Variants in CNTNAP5 observed in about 807,000 individuals in gnomAD.
The protein encoded by CNTNAP5 is contactin associated protein family member 5, also known as contactin-associated protein-like 5.
CNTNAP5 carries 72 observed loss-of-function variants against 150.2 expected under a neutral mutation model. The observed-to-expected ratio is 0.48, with a 90% confidence interval of 0.40 to 0.58. The LOEUF is 0.58. Among genes scored for constraint, CNTNAP5 ranks in the 20% least tolerant of loss-of-function variants. The pLI, the probability that CNTNAP5 is intolerant of heterozygous loss-of-function variation, is 0.00. For missense variants in CNTNAP5, 1,636 were observed against 1,626.2 expected (o/e 1.01, Z -0.10); for synonymous variants, 672 against 619.8 (o/e 1.08, Z -1.25).
At chr2:124,698,375 TACACAC>T (rs59897587) in intron 13 of CNTNAP5, among the ~76,000 whole-genome samples, 5,691 of 147,402 alleles carry the variant, frequency 0.039, 137 homozygotes, top group Non-Finnish European at 0.056. Context: ...GACGAGAGGA[TACACAC>T]ACACACACAC....
intron 3 of CNTNAP5, among the ~76,000 whole-genome samples, chr2:124,386,841 A>C (rs1159407076): frequency 2.0e-5 from 3 of 152,130 alleles, no homozygotes; most frequent in African/African-American, 7.2e-5. Flanking sequence ...TTTATGTTGA[A>C]ACCCTAATCC....
intron 19 of CNTNAP5, among the ~76,000 whole-genome samples, chr2:124,852,692 T>C (rs1418260795): frequency 2.0e-5 from 3 of 152,142 alleles, no homozygotes; most frequent in Non-Finnish European, 2.9e-5. Flanking sequence ...GGCTGGAATC[T>C]GGGAGACAAG....
At chr2:124,564,772 G>A (rs896679015) in intron 11 of CNTNAP5, among the ~76,000 whole-genome samples, 1 of 152,222 alleles carries the variant, frequency 6.6e-6, no homozygotes, top group Non-Finnish European at 1.5e-5. Context: ...GACTATAAGT[G>A]TGATTGAGAA....
intron 3 of CNTNAP5, among the ~76,000 whole-genome samples, chr2:124,269,919 T>C (rs1687700360): frequency 6.6e-6 from 1 of 152,184 alleles, no homozygotes; most frequent in East Asian, 1.9e-4. Flanking sequence ...GATATCCCAC[T>C]TACTCAAATC....
intron 7 of CNTNAP5, among the ~76,000 whole-genome samples, chr2:124,503,591 T>C (rs1215279010): frequency 6.6e-6 from 1 of 152,232 alleles, no homozygotes; most frequent in Non-Finnish European, 1.5e-5. Context: ...GTTAAATATA[T>C]GGCCCATGTC....
chr2:124,137,356 T>C (rs1683997825), intron 1 of CNTNAP5, among the ~76,000 whole-genome samples: 1 of 151,840 alleles, frequency 6.6e-6, no homozygotes, highest in Non-Finnish European at 1.5e-5. Context: ...TGCATATAAA[T>C]GAAAAAGGAG....
intron 3 of CNTNAP5, among the ~76,000 whole-genome samples, chr2:124,328,012 A>G (rs763518186): frequency 1.3e-5 from 2 of 152,232 alleles, no homozygotes; most frequent in Admixed American, 6.5e-5. Flanking sequence ...AGGGATTGCC[A>G]TATAGAATGT....
intron 1 of CNTNAP5, among the ~76,000 whole-genome samples, chr2:124,047,770 T>C (rs1199377072): frequency 6.6e-6 from 1 of 152,206 alleles, no homozygotes; most frequent in African/African-American, 2.4e-5. Context: ...TTCAGCTCTA[T>C]CGTTCCTTGC....
At chr2:124,442,557 A>G (rs77575492) in intron 5 of CNTNAP5, among the ~76,000 whole-genome samples, 5,960 of 152,286 alleles carry the variant, frequency 0.039, 146 homozygotes, top group Non-Finnish European at 0.051. Flanking sequence ...ATCAGAATAA[A>G]TTTCAGTTGA....
Position 124,271,778 on chromosome 2 carries a change from G to A in CNTNAP5, c.381+29385G>A, listed in dbSNP as rs1017486374. Among the ~76,000 whole-genome samples, 13 of 151,772 alleles carry A rather than the reference G, an allele frequency of 8.6e-5. No homozygotes were observed. The South Asian group carries it at 2.3e-3, about 27-fold the overall frequency. On this transcript the variant is annotated intron_variant, in intron 3 of 23. Coordinates refer to ENST00000682447, the MANE Select transcript of CNTNAP5 (RefSeq NM_001367498.1). ...TGCCCAGGCTGTAGTGCATTGGCAC[G>A]ATCTCGGCTCACCGCAACCTCCACC...
At chr2:124,712,151 A>G (rs1385588821) in intron 13 of CNTNAP5, among the ~76,000 whole-genome samples, 4 of 152,148 alleles carry the variant, frequency 2.6e-5, no homozygotes, top group Non-Finnish European at 5.9e-5. Flanking sequence ...ACCAGTTATG[A>G]TTTACTTTTC....
chr2:124,322,161 T>TAATAAAATAAAATAA (rs10524229), intron 3 of CNTNAP5, among the ~76,000 whole-genome samples: 2 of 149,028 alleles, frequency 1.3e-5, no homozygotes, highest in Non-Finnish European at 3.0e-5. Context: ...AAAATAATAA[T>TAATAAAATAAAATAA]AATAAAATAA....
At chr2:124,440,692 T>C (rs1692652152) in intron 5 of CNTNAP5, among the ~76,000 whole-genome samples, 1 of 152,152 alleles carries the variant, frequency 6.6e-6, no homozygotes. Context: ...TTGGGTAGTA[T>C]ATATCTTATT....
rs1677902855 is a variant in CNTNAP5, at chr2:124,878,423, A to G, written c.3436+8661A>G. 2.6e-5 allele frequency among the ~76,000 whole-genome samples: 4 copies of G among 152,112 alleles called. No homozygotes were observed. In the South Asian group the frequency reaches 8.3e-4, roughly 31 times the overall value. On this transcript the variant is annotated intron_variant, in intron 21 of 23. Transcript: ENST00000682447. Reference sequence around the variant, plus strand: ...TGATGTGCCTAGGATGATGCCTGCCATTTAATAACAGCTCAGTAAGGTTTG... The same window carrying G: ...TGATGTGCCTAGGATGATGCCTGCCGTTTAATAACAGCTCAGTAAGGTTTG...
intron 19 of CNTNAP5, among the ~76,000 whole-genome samples, chr2:124,808,321 G>A (rs973053777): frequency 1.7e-4 from 26 of 152,070 alleles, no homozygotes; most frequent in Non-Finnish European, 4.4e-5. Context: ...ATGACATAAA[G>A]CAGGCCAGGC....
intron 11 of CNTNAP5, among the ~76,000 whole-genome samples, chr2:124,584,620 G>A (rs72845253): frequency 0.019 from 2,844 of 152,224 alleles, 33 homozygotes; most frequent in Middle Eastern, 0.034. Context: ...CACACAGAAA[G>A]ACCACTCTTT....
chr2:124,450,086 G>A lies in CNTNAP5; in HGVS notation c.918+3149G>A, dbSNP rs547751211. On this transcript the variant is annotated intron_variant, in intron 6 of 23. Transcript: ENST00000682447. ...TTATCACAACGTTGCATATCAATTA[G>A]AATCTACATTGATTTGCTTTCTGCC... Among the ~76,000 whole-genome samples, 160 of 152,234 alleles carry A rather than the reference G, an allele frequency of 1.1e-3. 1 individual carries two copies. The highest frequency in any genetic ancestry group is 3.8e-3 in the African/African-American group (159 of 41,512).
chr2:124,662,331 T>C (rs1028418880), intron 13 of CNTNAP5, among the ~76,000 whole-genome samples: 1 of 152,204 alleles, frequency 6.6e-6, no homozygotes, highest in African/African-American at 2.4e-5. Context: ...TATAATCCTT[T>C]GGGTATATAC....
At chr2:124,508,489 G>C (rs1391599208) in intron 8 of CNTNAP5, among the ~76,000 whole-genome samples, 1 of 152,164 alleles carries the variant, frequency 6.6e-6, no homozygotes, top group Non-Finnish European at 1.5e-5. Context: ...TTAATACAAG[G>C]AAGGCCCTGG....
Sources: gnomAD v4.1 joint callset for allele counts (sites outside exome capture counted in the v4.1 genomes callset) on GRCh38, gnomAD v4.1.1 for gene constraint, MANE v1.5 for transcripts, NCBI Gene and HGNC (gene_info 2026-07-23, HGNC 2026-07-21) for gene names.